Variants in TGFBI observed in about 807,000 individuals in gnomAD.
TGFBI encodes transforming growth factor-beta-induced protein ig-h3.
A neutral mutation model predicts 73.7 loss-of-function variants in TGFBI; 50 were observed. The observed-to-expected ratio is 0.68, with a 90% CI of 0.54 to 0.86. The LOEUF (loss-of-function observed/expected upper bound fraction) is 0.86. Ranked by LOEUF, TGFBI falls within the 40% of genes least tolerant of loss-of-function variation. The pLI, the probability that TGFBI is intolerant of heterozygous loss-of-function variation, is 0.00. For synonymous variants in TGFBI, 362 were observed against 360.5 expected (o/e 1.00, Z -0.05); for missense variants, 839 against 877.0 (o/e 0.96, Z 0.55).
chr5:136,054,609 T>C (rs377538311), intron 9 of TGFBI, 107 bp from the exon 10 acceptor site: 7 of 1,478,982 alleles, frequency 4.7e-6, no homozygotes, highest in East Asian at 4.5e-5. Context: ...TCAATCCCTG[T>C]TTCCAAACTC....
intron 9 of TGFBI, 149 bp from the exon 10 acceptor site, chr5:136,054,567 G>T: frequency 9.6e-7 from 1 of 1,038,768 alleles, no homozygotes; most frequent in Non-Finnish European, 1.5e-6. Context: ...GATACCAGAT[G>T]TTAAGGAATA....
rs779132788 is a variant in TGFBI, at chr5:136,059,129, T to G, written c.1718T>G (p.Ile573Ser). Reference sequence around the variant, plus strand: ...CTTGCCAACATCCTGAAATACCACATTGGTGATGAAATCCTGGTTAGCGGA... The same window carrying G: ...CTTGCCAACATCCTGAAATACCACAGTGGTGATGAAATCCTGGTTAGCGGA... ...KELANILKYH[I>S]GDEILVSGGI... The change falls in exon 13 of 17, where the codon ATT becomes AGT. Residue 573 changes from isoleucine (I) to serine (S), a missense_variant. Ile to Ser is a moderately radical substitution (Grantham distance 142). Coordinates refer to ENST00000442011, the MANE Select transcript of TGFBI (RefSeq NM_000358.3). 1 of 1,611,728 alleles carries G rather than the reference T, an allele frequency of 6.2e-7. No individual in the cohort carries two copies. Among genetic ancestry groups the G allele is most frequent in the Non-Finnish European group, 8.5e-7 (1 of 1,179,162 alleles).
rs1483761574 is a variant in TGFBI, at chr5:136,033,782, CAGA to C, written c.157_159del (p.Lys53del). ...TTTCAGCCCCAACGTGTGTGCTGTGCAGAAGGTTATTGGCACTAATAGGAAGTA... is the reference window on the plus strand; with the variant it reads ...TTTCAGCCCCAACGTGTGTGCTGTGCAGGTTATTGGCACTAATAGGAAGTA... On this transcript the variant is annotated inframe_deletion, in exon 2 of 17. Coordinates refer to ENST00000442011, the MANE Select transcript of TGFBI (RefSeq NM_000358.3). 1.9e-6 allele frequency: 3 copies of C among 1,613,910 alleles called. No individual in the cohort carries two copies. The highest frequency in any genetic ancestry group is 2.5e-6 in the Non-Finnish European group (3 of 1,179,852).
At chr5:136,056,921 A>G (rs931145287) in intron 12 of TGFBI, 126 bp downstream of exon 12, 2 of 1,271,570 alleles carry the variant, frequency 1.6e-6, no homozygotes, top group African/African-American at 1.5e-5. Flanking sequence ...TATTAGTGAA[A>G]GAGTGGGCGG....
intron 13 of TGFBI, 28 bp downstream of exon 13, chr5:136,059,242 C>T (rs146457964): frequency 1.2e-6 from 2 of 1,604,840 alleles, no homozygotes; most frequent in East Asian, 4.5e-5. Flanking sequence ...CAAAGGCTGG[C>T]TAAATTTCCC....
chr5:136,049,825 G>C (rs1751500501), intron 7 of TGFBI: 1 of 451,570 alleles, frequency 2.2e-6, no homozygotes, highest in Non-Finnish European at 4.0e-6. Flanking sequence ...CTGAAGAGAG[G>C]CATAGCTGGA....
intron 15 of TGFBI, among the ~76,000 whole-genome samples, chr5:136,061,874 A>G (rs1298562580): frequency 6.6e-6 from 1 of 152,228 alleles, no homozygotes; most frequent in African/African-American, 2.4e-5. Context: ...TCTGGAAGCC[A>G]TCTGCCCAAG....
At chr5:136,050,847 G>T (rs548453933) in intron 7 of TGFBI, among the ~76,000 whole-genome samples, 1 of 152,234 alleles carries the variant, frequency 6.6e-6, no homozygotes, top group African/African-American at 2.4e-5. Context: ...CCGTGTCCAG[G>T]TGATTATGGT....
intron 1 of TGFBI, among the ~76,000 whole-genome samples, chr5:136,031,284 G>A (rs554700842): frequency 3.1e-4 from 47 of 152,362 alleles, no homozygotes; most frequent in African/African-American, 9.1e-4. Context: ...GGGCTGTGGC[G>A]CCTTGTGCAA....
In TGFBI at chr5:136,052,961, C is replaced by A. The variant is rs201210696; in HGVS notation, c.968C>A (p.Ala323Glu). ...KSAMCAEAIV[A>E]GLSVETLEGT... The stretch of plus-strand genomic sequence containing the variant: ...GCTATGTGTGCTGAAGCCATCGTTG[C>A]GGGGCTGTCTGTAGAGACCCTGGAG... Residue 323 changes from alanine to glutamate, a missense_variant, in exon 8 of 17, where the codon GCG becomes GAG. Ala to Glu is a moderately radical substitution (Grantham distance 107). Transcript: ENST00000442011. 4.3e-6 allele frequency: 7 copies of A among 1,614,016 alleles called. No homozygotes were observed. Among genetic ancestry groups the A allele is most frequent in the South Asian group, 1.1e-5 (1 of 91,078 alleles).
chr5:136,034,661 G>A (rs1178697712), intron 2 of TGFBI, among the ~76,000 whole-genome samples: 4 of 152,182 alleles, frequency 2.6e-5, no homozygotes, highest in South Asian at 4.2e-4. Context: ...AAGGAGGGAG[G>A]CAGCTTTTAC....
chr5:136,047,419 G>C lies in TGFBI; in HGVS notation c.770G>C (p.Arg257Pro), dbSNP rs377709778. 2 of 1,613,812 alleles carry C rather than the reference G, an allele frequency of 1.2e-6. No homozygotes were observed. The highest frequency in any genetic ancestry group is 4.5e-5 in the East Asian group (2 of 44,824). ...IEIEDTFETL[R>P]AAVAASGLNT... ...ATCGAGGACACCTTTGAGACCCTTC[G>C]GGTAAGGGACTGCCCTGGGTGGAGG... The change falls in exon 6 of 17, where the codon CGG becomes CCG. Residue 257 changes from arginine to proline, a missense_variant and splice_region_variant. Transcript: ENST00000442011.
intron 9 of TGFBI, 123 bp downstream of exon 9, chr5:136,054,203 A>C: frequency 7.4e-7 from 1 of 1,347,956 alleles, no homozygotes; most frequent in South Asian, 1.4e-5. Flanking sequence ...ACTCAGCTCA[A>C]CCAAAAGCAG....
Position 136,055,756 on chromosome 5 carries a change from G to C in TGFBI, c.1487G>C (p.Arg496Pro), listed in dbSNP as rs114295767. ...TACGGGACCCTGTTCACGATGGACC[G>C]GGTGCTGACCCCCCCAATGGGGACT... ...GRYGTLFTMD[R>P]VLTPPMGTVM... Residue 496 changes from arginine to proline, a missense_variant, in exon 11 of 17, where the codon CGG becomes CCG. Coordinates refer to ENST00000442011, the MANE Select transcript of TGFBI (RefSeq NM_000358.3). The C allele has an allele frequency of 6.2e-7, 1 of 1,612,660 alleles. No individual in the cohort carries two copies. Among genetic ancestry groups the C allele is most frequent in the East Asian group, 2.2e-5 (1 of 44,856 alleles).
At chr5:136,049,800 T>A (rs1346439801) in intron 7 of TGFBI, 3 of 525,908 alleles carry the variant, frequency 5.7e-6, no homozygotes, top group Non-Finnish European at 1.0e-5. Flanking sequence ...GCAGCTTTTG[T>A]CTGGGAGAGC....
At chr5:136,033,186 G>A (rs954586700) in intron 1 of TGFBI, among the ~76,000 whole-genome samples, 8 of 152,108 alleles carry the variant, frequency 5.3e-5, no homozygotes, top group Admixed American at 1.3e-4. Context: ...AATAAGGACC[G>A]TATCCACTGT....
At chr5:136,061,336 T>TCCCCCC in intron 14 of TGFBI, 164 bp from the exon 15 acceptor site, 1 of 640,854 alleles carries the variant, frequency 1.6e-6, no homozygotes, top group Non-Finnish European at 2.8e-6. Context: ...TGGTGCTCTC[T>TCCCCCC]CCCCATGGGC....
At chr5:136,035,494 G>A (rs1326880009) in intron 2 of TGFBI, among the ~76,000 whole-genome samples, 2 of 151,708 alleles carry the variant, frequency 1.3e-5, no homozygotes, top group East Asian at 1.9e-4. Flanking sequence ...GCGTGGTGGC[G>A]GGCACCTGTA....
At position 136,058,869 on chromosome 5, in the gene TGFBI, G is replaced by A. The variant is rs1580722147; in HGVS notation, c.1679-221G>A. The A allele has an allele frequency of 6.1e-6, 3 of 494,474 alleles. No individual in the cohort carries two copies. The East Asian group carries it at 1.1e-4, about 18-fold the overall frequency. The allele number at this position is 494,474 out of a possible 1,614,324, so 30.6% of individuals were successfully genotyped here. On this transcript the variant is annotated intron_variant, in intron 12 of 16. Coordinates refer to ENST00000442011, the MANE Select transcript of TGFBI (RefSeq NM_000358.3). ...CAGAGGCCAACTGACTGCTGGGGCAGATTTGTGGTCATGAACATGTGCTTT... is the reference window on the plus strand; with the variant it reads ...CAGAGGCCAACTGACTGCTGGGGCAAATTTGTGGTCATGAACATGTGCTTT...
Sources: allele counts gnomAD v4.1 joint callset (sites outside exome capture counted in the v4.1 genomes callset), GRCh38; gene constraint gnomAD v4.1.1; transcripts MANE v1.5; gene names NCBI Gene and HGNC (gene_info 2026-07-23, HGNC 2026-07-21).